The following PYGO1 variants were observed in gnomAD, a reference collection of about 807,000 sequenced individuals.
The protein encoded by PYGO1 is pygopus homolog 1.
In PYGO1, 6 loss-of-function variants were observed where a neutral mutation model predicts 29.5. The observed-to-expected ratio is 0.20, with a 90% CI of 0.11 to 0.40. The LOEUF is 0.40. PYGO1 is among the 10% of genes least tolerant of loss of function. The pLI, the probability that PYGO1 is intolerant of heterozygous loss-of-function variation, is 1.00. For synonymous variants in PYGO1, 186 were observed against 180.5 expected (o/e 1.03, Z -0.24); for missense variants, 515 against 514.9 (o/e 1.00, Z 0.00).
chr15:55,550,329 G>A (rs922063415), intron 1 of PYGO1, among the ~76,000 whole-genome samples: 1 of 152,062 alleles, frequency 6.6e-6, no homozygotes, highest in African/African-American at 2.4e-5. Context: ...CTTTTGCTAG[G>A]GTCTTCCAAC....
chr15:55,551,538 G>A (rs528165134), intron 1 of PYGO1, among the ~76,000 whole-genome samples: 1 of 152,014 alleles, frequency 6.6e-6, no homozygotes, highest in Non-Finnish European at 1.5e-5. Flanking sequence ...GGCTCATGTC[G>A]ATAATCTCAA....
At chr15:55,579,535 C>T (rs1187528730) in intron 1 of PYGO1, among the ~76,000 whole-genome samples, 2 of 151,920 alleles carry the variant, frequency 1.3e-5, no homozygotes, top group Non-Finnish European at 2.9e-5. Context: ...ATTTTATAAG[C>T]GACTGGGTCT....
At chr15:55,557,313 T>C (rs539644764) in intron 1 of PYGO1, among the ~76,000 whole-genome samples, 10 of 151,980 alleles carry the variant, frequency 6.6e-5, no homozygotes, top group African/African-American at 2.4e-4. Context: ...AATCCCTGAA[T>C]AGACCAATAA....
chr15:55,560,343 T>C (rs1171842528), intron 1 of PYGO1, among the ~76,000 whole-genome samples: 2 of 151,990 alleles, frequency 1.3e-5, no homozygotes, highest in Non-Finnish European at 1.5e-5. Flanking sequence ...TCTCAGGATA[T>C]AAAATCAGTG....
intron 1 of PYGO1, among the ~76,000 whole-genome samples, chr15:55,581,763 T>G (rs140070113): frequency 6.6e-6 from 1 of 152,214 alleles, no homozygotes; most frequent in East Asian, 1.9e-4. Flanking sequence ...AAGCTATTCA[T>G]CACTATCAGT....
At chr15:55,568,274 T>C (rs1252046908) in intron 1 of PYGO1, among the ~76,000 whole-genome samples, 1 of 151,124 alleles carries the variant, frequency 6.6e-6, no homozygotes, top group Non-Finnish European at 1.5e-5. Flanking sequence ...TTAGTTCTCC[T>C]TGTAGAGATG....
intron 1 of PYGO1, among the ~76,000 whole-genome samples, chr15:55,579,109 T>C (rs1327891408): frequency 3.3e-5 from 5 of 152,234 alleles, no homozygotes; most frequent in Non-Finnish European, 7.3e-5. Context: ...AGGTCATTTT[T>C]TTTCAAATTT....
chr15:55,559,340 G>C (rs11071194), intron 1 of PYGO1, among the ~76,000 whole-genome samples: 9 of 151,530 alleles, frequency 5.9e-5, no homozygotes, highest in African/African-American at 2.2e-4. Context: ...ACAGGTGCTG[G>C]AGAGGATGTG....
intron 1 of PYGO1, among the ~76,000 whole-genome samples, chr15:55,551,062 G>C (rs1445333343): frequency 6.6e-6 from 1 of 152,184 alleles, no homozygotes; most frequent in Non-Finnish European, 1.5e-5. Flanking sequence ...TGCTGCTGCT[G>C]ATCTGTCAGG....
At position 55,587,972 on chromosome 15, in the gene PYGO1, G is replaced by C; in HGVS notation, c.-89C>G. ...GGCGGCTCCTCCTCCTCGCGGGGCC[G>C]CTGCGGCTGCGAGGCAAGCCTCGGA... On this transcript the variant is annotated 5_prime_UTR_variant, in exon 1 of 3. Transcript: ENST00000563719. 7.0e-7 allele frequency: 1 copy of C among 1,420,128 alleles called. No individual in the cohort carries two copies. The highest frequency in any genetic ancestry group is 9.3e-7 in the Non-Finnish European group (1 of 1,080,912). The allele number at this position is 1,420,128 out of a possible 1,614,324, so 88.0% of individuals were successfully genotyped here. A position where few individuals can be genotyped will look rare whatever the true frequency, so the allele number is the denominator to read the frequency against.
At chr15:55,564,912 T>A (rs909449159) in intron 1 of PYGO1, among the ~76,000 whole-genome samples, 2 of 152,180 alleles carry the variant, frequency 1.3e-5, no homozygotes, top group Non-Finnish European at 2.9e-5. Context: ...CCAAATTCAA[T>A]TCCCTGTGGT....
At chr15:55,570,058 C>T (rs2058974037) in intron 1 of PYGO1, among the ~76,000 whole-genome samples, 1 of 152,192 alleles carries the variant, frequency 6.6e-6, no homozygotes, top group Non-Finnish European at 1.5e-5. Flanking sequence ...TTCCCTCTAC[C>T]TGAGTTGCTC....
intron 1 of PYGO1, among the ~76,000 whole-genome samples, chr15:55,580,434 CAGA>C (rs1352493262): frequency 6.6e-6 from 1 of 152,172 alleles, no homozygotes; most frequent in Non-Finnish European, 1.5e-5. Context: ...ATTACTTACA[CAGA>C]ATGTGTATTT....
intron 1 of PYGO1, among the ~76,000 whole-genome samples, chr15:55,581,361 G>A (rs2059024213): frequency 6.6e-6 from 1 of 152,114 alleles, no homozygotes; most frequent in Admixed American, 6.6e-5. Flanking sequence ...TAAGAAATAG[G>A]GAAAGCACTT....
At position 55,555,923 on chromosome 15, in the gene PYGO1, C is replaced by T. The variant is rs116976885; in HGVS notation, c.50-6928G>A. ...GAGATCAAAAAAGGGCATTACGTAA[C>T]GGTAAAAAGTTCAATTCAACAAGAA... is the stretch of plus-strand genomic sequence containing the variant. On this transcript the variant is annotated intron_variant, in intron 1 of 2. Transcript: ENST00000563719. 4.5e-3 allele frequency among the ~76,000 whole-genome samples: 686 copies of T among 151,916 alleles called. 18 individuals are homozygous for T. In the East Asian group the frequency reaches 0.053, roughly 12 times the overall value.
At position 55,545,524 on chromosome 15, in the gene PYGO1, G is replaced by A. The variant is rs2058845673; in HGVS notation, c.*499C>T. 1 of 152,392 alleles carries A rather than the reference G, an allele frequency of 6.6e-6. No individual in the cohort carries two copies. The highest frequency in any genetic ancestry group is 6.5e-5 in the Admixed American group (1 of 15,276). The allele number at this position is 152,392 out of a possible 1,614,324, so 9.4% of individuals were successfully genotyped here. On this transcript the variant is annotated 3_prime_UTR_variant, in exon 3 of 3. Coordinates refer to ENST00000563719, the MANE Select transcript of PYGO1 (RefSeq NM_001367806.1). ...TGATTCCAAAGACCCTAGTGGAGGA[G>A]GAATCTGGTGTCATACTATTATTTT...
At position 55,545,701 on chromosome 15, in the gene PYGO1, G is replaced by T. The variant is rs570854361; in HGVS notation, c.*322C>A. 5.1e-5 allele frequency: 10 copies of T among 195,018 alleles called. No homozygotes were observed. In the East Asian group the frequency reaches 1.2e-3, roughly 24 times the overall value. 12.1% of individuals were successfully genotyped at this position (195,018 alleles called of 1,614,324 possible). A position where few individuals can be genotyped will look rare whatever the true frequency, so the allele number is the denominator to read the frequency against. ...AGCACTGAAATACACGTTTTTCAAT[G>T]ATTCTAACTTTTAAAAGTTAAAACT... On this transcript the variant is annotated 3_prime_UTR_variant, in exon 3 of 3. Transcript: ENST00000563719.
At chr15:55,584,280 G>C (rs2059037624) in intron 1 of PYGO1, among the ~76,000 whole-genome samples, 2 of 151,900 alleles carry the variant, frequency 1.3e-5, no homozygotes, top group African/African-American at 4.8e-5. Flanking sequence ...ACCACGCCCA[G>C]CTAATTTTTC....
At chr15:55,571,428 C>A (rs1379948916) in intron 1 of PYGO1, among the ~76,000 whole-genome samples, 1 of 152,072 alleles carries the variant, frequency 6.6e-6, no homozygotes, top group East Asian at 1.9e-4. Flanking sequence ...TGGCTGTGTC[C>A]CTACCCAAAT....
Sources: allele counts gnomAD v4.1 joint callset (sites outside exome capture counted in the v4.1 genomes callset), GRCh38; gene constraint gnomAD v4.1.1; transcripts MANE v1.5; gene names NCBI Gene and HGNC (gene_info 2026-07-23, HGNC 2026-07-21).